GNG7: variants seen among roughly 807,000 people sequenced by gnomAD.
The protein encoded by GNG7 is guanine nucleotide-binding protein G(I)/G(S)/G(O) subunit gamma-7.
A neutral mutation model predicts 4.0 loss-of-function variants in GNG7; 1 was observed. The observed-to-expected ratio is 0.25, with a 90% CI of 0.09 to 1.18. The LOEUF (loss-of-function observed/expected upper bound fraction) is 1.18, where lower values mean the gene tolerates loss of function less well. GNG7 is among the 50% of genes most tolerant of loss of function. The pLI is 0.50. For synonymous variants in GNG7, 34 were observed against 36.9 expected (o/e 0.92, Z 0.29); for missense variants, 86 against 91.9 (o/e 0.94, Z 0.26).
At chr19:2,556,563 C>A (rs899566610) in intron 2 of GNG7, among the ~76,000 whole-genome samples, 2 of 152,094 alleles carry the variant, frequency 1.3e-5, no homozygotes, top group African/African-American at 2.4e-5. Flanking sequence ...GGAGTCCGGG[C>A]CACCCACACA....
rs948036308 is a variant in GNG7 at position 2,617,431 on chromosome 19, C to G, written c.-78+28793G>C. On this transcript the variant is annotated intron_variant, in intron 2 of 4. Transcript: ENST00000382159. The surrounding 1 kb of genome is among the most constrained non-coding windows in gnomAD (Gnocchi z 4.7). ...CCATCAATCTGATCAAGAAGCCACA[C>G]TAGGTCACCTCAGACCAAGGACATT... 1.3e-5 allele frequency among the ~76,000 whole-genome samples: 2 copies of G among 152,186 alleles called. No homozygotes were observed. Among genetic ancestry groups the G allele is most frequent in the African/African-American group, 4.8e-5 (2 of 41,456 alleles).
intron 2 of GNG7, among the ~76,000 whole-genome samples, chr19:2,613,473 G>T (rs1275922841): frequency 1.3e-5 from 2 of 150,172 alleles, no homozygotes; most frequent in Non-Finnish European, 2.9e-5. Flanking sequence ...CGGGGCAGAT[G>T]GCATAAACCA....
At chr19:2,582,953 G>A (rs2144792648) in intron 2 of GNG7, among the ~76,000 whole-genome samples, 1 of 152,224 alleles carries the variant, frequency 6.6e-6, no homozygotes, top group Non-Finnish European at 1.5e-5. Context: ...ATAGGCGTGA[G>A]CCACTGTGCC....
chr19:2,536,961 T>C (rs1978760058), intron 3 of GNG7, among the ~76,000 whole-genome samples: 1 of 149,940 alleles, frequency 6.7e-6, no homozygotes, highest in South Asian at 2.1e-4. Flanking sequence ...TATTTTTTTT[T>C]TTTGAGACGG....
intron 2 of GNG7, among the ~76,000 whole-genome samples, chr19:2,590,396 A>T (rs1980801950): frequency 6.6e-6 from 1 of 152,080 alleles, no homozygotes; most frequent in African/African-American, 2.4e-5. Flanking sequence ...TTATATCTTG[A>T]TAAAGCTGTC....
chr19:2,652,755 G>C (rs779670963), intron 1 of GNG7, among the ~76,000 whole-genome samples: 1 of 152,228 alleles, frequency 6.6e-6, no homozygotes, highest in South Asian at 2.1e-4. Context: ...GAAACACTGA[G>C]AGATGTCACT....
chr19:2,571,113 C>T (rs902457363), intron 2 of GNG7, among the ~76,000 whole-genome samples: 1 of 148,278 alleles, frequency 6.7e-6, no homozygotes, highest in Admixed American at 6.8e-5. Context: ...AGTTGTCCAG[C>T]TTTAACAAAC....
At chr19:2,524,788 G>C (rs1410084429) in intron 3 of GNG7, among the ~76,000 whole-genome samples, 1 of 152,142 alleles carries the variant, frequency 6.6e-6, no homozygotes, top group Non-Finnish European at 1.5e-5. Flanking sequence ...GCACACGTGT[G>C]TGGGCATGCA....
At chr19:2,679,513 A>C (rs1481756027) in intron 1 of GNG7, among the ~76,000 whole-genome samples, 2 of 152,158 alleles carry the variant, frequency 1.3e-5, no homozygotes, top group Non-Finnish European at 1.5e-5. Context: ...ACACACAAGG[A>C]AACAGAAAGG....
At chr19:2,692,116 C>T (rs371396677) in intron 1 of GNG7, among the ~76,000 whole-genome samples, 2 of 152,182 alleles carry the variant, frequency 1.3e-5, no homozygotes, top group African/African-American at 2.4e-5. Context: ...TTTTACCACC[C>T]GGTCTGTGGT....
chr19:2,624,543 A>G (rs1409751656), intron 2 of GNG7, among the ~76,000 whole-genome samples: 1 of 151,472 alleles, frequency 6.6e-6, no homozygotes, highest in Non-Finnish European at 1.5e-5. Context: ...AAAAAAAAAA[A>G]AAAGAAAAAG....
At chr19:2,675,053 C>T (rs921587643) in intron 1 of GNG7, among the ~76,000 whole-genome samples, 2 of 152,190 alleles carry the variant, frequency 1.3e-5, no homozygotes, top group African/African-American at 2.4e-5. Flanking sequence ...TTCACACACT[C>T]GGGACTGGTA....
chr19:2,661,254 AAAG>A (rs1402227923), intron 1 of GNG7, among the ~76,000 whole-genome samples: 4 of 82,260 alleles, frequency 4.9e-5, no homozygotes, highest in Non-Finnish European at 6.9e-5. Context: ...GAAAAGAAAG[AAAG>A]AAAGAAAGAA....
intron 2 of GNG7, among the ~76,000 whole-genome samples, chr19:2,567,355 T>C (rs923738155): frequency 8.3e-5 from 2 of 24,228 alleles, no homozygotes; most frequent in African/African-American, 6.6e-4. Flanking sequence ...GTGTGTGACA[T>C]AGGGTCTCAC....
intron 2 of GNG7, among the ~76,000 whole-genome samples, chr19:2,615,363 A>G (rs1486254699): frequency 6.8e-6 from 1 of 147,942 alleles, no homozygotes; most frequent in African/African-American, 2.5e-5. Flanking sequence ...GTCGGCAAGG[A>G]TGTCCTCTCC....
chr19:2,702,344 C>T (rs549726934), intron 1 of GNG7, among the ~76,000 whole-genome samples: 2 of 151,048 alleles, frequency 1.3e-5, no homozygotes, highest in Non-Finnish European at 3.0e-5. Flanking sequence ...CCCCCTGCCC[C>T]GTCCCCAGCT....
chr19:2,676,515 G>A (rs1983596693), intron 1 of GNG7, among the ~76,000 whole-genome samples: 1 of 152,100 alleles, frequency 6.6e-6, no homozygotes, highest in African/African-American at 2.4e-5. Flanking sequence ...TGGCTCAAGC[G>A]ATCCTCCCAC....
At chr19:2,658,606 T>C (rs749994742) in intron 1 of GNG7, among the ~76,000 whole-genome samples, 36 of 151,950 alleles carry the variant, frequency 2.4e-4, no homozygotes, top group Non-Finnish European at 4.4e-4. Context: ...AATTTTGACA[T>C]GGGCTAGAGA....
chr19:2,578,308 G>A (rs1980403689), intron 2 of GNG7, among the ~76,000 whole-genome samples: 1 of 152,082 alleles, frequency 6.6e-6, no homozygotes, highest in Non-Finnish European at 1.5e-5. Context: ...ACCCAATACG[G>A]GACCCAGAGG....
Sources: gnomAD v4.1 joint callset for allele counts (sites outside exome capture counted in the v4.1 genomes callset) on GRCh38, gnomAD v4.1.1 for gene constraint, Gnocchi (gnomAD v3.1) non-coding constraint, MANE v1.5 for transcripts, NCBI Gene and HGNC (gene_info 2026-07-23, HGNC 2026-07-21) for gene names.